MGST1: variants seen among roughly 807,000 people sequenced by gnomAD.
MGST1 encodes microsomal glutathione S-transferase 1.
In MGST1, 5 loss-of-function variants were observed where a neutral mutation model predicts 8.9. That is an observed-to-expected ratio of 0.56 (90% CI 0.29 to 1.19). MGST1 has a LOEUF of 1.19. MGST1 is among the 50% of genes most tolerant of loss of function. The pLI is 0.08. For synonymous variants in MGST1, 54 were observed against 67.8 expected, an observed-to-expected ratio of 0.80 and a Z score of 1.00; for missense variants, 182 against 187.4, an observed-to-expected ratio of 0.97 and a Z score of 0.17.
chr12:16,439,830 C>T (rs1317635539), downstream of MGST1, among the ~76,000 whole-genome samples: 3 of 151,686 alleles, frequency 2.0e-5, no homozygotes, highest in African/African-American at 7.3e-5. Context: ...TGAATCTCAC[C>T]TTTTTATATA....
At chr12:16,378,959 C>G (rs371690960), downstream of MGST1, among the ~76,000 whole-genome samples, 24 of 151,786 alleles carry the variant, frequency 1.6e-4, no homozygotes, top group African/African-American at 5.6e-4. Flanking sequence ...GTCTGTTATT[C>G]GTGTATAAGA....
chr12:16,356,099 ACT>A (rs1288584668), intron 2 of MGST1, among the ~76,000 whole-genome samples: 1 of 151,904 alleles, frequency 6.6e-6, no homozygotes, highest in African/African-American at 2.4e-5. Context: ...TGAGGACTCC[ACT>A]CTCTTCACCT....
At chr12:16,360,011 A>G (rs564409304) in intron 3 of MGST1, among the ~76,000 whole-genome samples, 1 of 152,312 alleles carries the variant, frequency 6.6e-6, no homozygotes, top group South Asian at 2.1e-4. Flanking sequence ...GTTAGAAAGA[A>G]CAATTGACCC....
chr12:16,543,305 A>G (rs1234510912), intron 4 of MGST1, among the ~76,000 whole-genome samples: 1 of 152,170 alleles, frequency 6.6e-6, no homozygotes, highest in Non-Finnish European at 1.5e-5. Flanking sequence ...TTTGAGACCA[A>G]AAGAAGGCAA....
At chr12:16,572,339 C>CTTTTTTTTTTTTTTTTTTTT (rs59773866) in intron 4 of MGST1, among the ~76,000 whole-genome samples, 3 of 89,530 alleles carry the variant, frequency 3.4e-5, no homozygotes, top group Admixed American at 3.0e-4. Context: ...GGTCCAAACT[C>CTTTTTTTTTTTTTTTTTTTT]TTTTTTTTTT....
chr12:16,506,612 C>T (rs1483632391), intron 4 of MGST1, among the ~76,000 whole-genome samples: 1 of 152,132 alleles, frequency 6.6e-6, no homozygotes, highest in African/African-American at 2.4e-5. Flanking sequence ...TGCATACTGG[C>T]CATCTGTTTT....
chr12:16,550,996 C>A, intron 4 of MGST1: 1 of 423,734 alleles, frequency 2.4e-6, no homozygotes, highest in East Asian at 3.3e-5. Context: ...GCAAAAAAAT[C>A]CAGCCATATG....
intron 4 of MGST1, among the ~76,000 whole-genome samples, chr12:16,505,235 C>G (rs945969644): frequency 1.3e-5 from 2 of 152,216 alleles, no homozygotes; most frequent in African/African-American, 4.8e-5. Flanking sequence ...GGCAGCAATA[C>G]TTTCCACAAG....
At chr12:16,533,093 ACTTT>A (rs2137202621) in intron 4 of MGST1, among the ~76,000 whole-genome samples, 1 of 152,198 alleles carries the variant, frequency 6.6e-6, no homozygotes, top group East Asian at 1.9e-4. Context: ...AGCTGACTAT[ACTTT>A]CTTAACTAGT....
chr12:16,559,824 T>C lies in MGST1; in HGVS notation n.483-29704T>C, dbSNP rs1167502929. Among the ~76,000 whole-genome samples the C allele has an allele frequency of 6.7e-6, 1 of 149,480 alleles. No homozygotes were observed. Among genetic ancestry groups the C allele is most frequent in the Non-Finnish European group, 1.5e-5 (1 of 67,586 alleles). ...AAAAAAAAAAAAAATTAGCCAGGCA[T>C]GGGAGTGCACACCTGTACTCCCAGC... On this transcript the variant is annotated intron_variant and non_coding_transcript_variant, in intron 4 of 4. Transcript: ENST00000538857. The surrounding 1 kb of genome is among the most constrained non-coding windows in gnomAD (Gnocchi z 4.1).
intron 4 of MGST1, among the ~76,000 whole-genome samples, chr12:16,457,124 C>T (rs1253825320): frequency 6.6e-6 from 1 of 151,978 alleles, no homozygotes. Context: ...TGGGTCTTCT[C>T]ATATCCAGGC....
chr12:16,487,221 G>C (rs1941404740), intron 4 of MGST1, among the ~76,000 whole-genome samples: 1 of 152,096 alleles, frequency 6.6e-6, no homozygotes, highest in African/African-American at 2.4e-5. Context: ...CACTGGGTGA[G>C]TAAACCCCAG....
intron 4 of MGST1, chr12:16,551,260 C>T: frequency 6.2e-7 from 1 of 1,613,090 alleles, no homozygotes; most frequent in Non-Finnish European, 8.5e-7. Flanking sequence ...TTCATTAAAC[C>T]TTCCTCGTAG....
At chr12:16,493,591 A>G (rs554337208) in intron 4 of MGST1, among the ~76,000 whole-genome samples, 1 of 152,184 alleles carries the variant, frequency 6.6e-6, no homozygotes, top group Non-Finnish European at 1.5e-5. Flanking sequence ...CTTTCATAAC[A>G]GTGCTAATAG....
downstream of MGST1, among the ~76,000 whole-genome samples, chr12:16,365,617 A>G (rs1485727646): frequency 6.6e-6 from 1 of 152,220 alleles, no homozygotes; most frequent in Non-Finnish European, 1.5e-5. Flanking sequence ...GCAGCTTTGC[A>G]TGCTGTGGAT....
chr12:16,432,331 AAG>A lies in MGST1; in HGVS notation n.779-5056_779-5055del, dbSNP rs530279027. On this transcript the variant is annotated intron_variant and non_coding_transcript_variant, in intron 1 of 1. Transcript: ENST00000359720. Reference sequence around the variant, plus strand: ...GTGGATTCCACCACAATCTCTTTGAAAGGAGTACCACTGAGAGTACAGTAGCT... The same window carrying A: ...GTGGATTCCACCACAATCTCTTTGAAGAGTACCACTGAGAGTACAGTAGCT... Among the ~76,000 whole-genome samples, 16 of 152,252 alleles carry A rather than the reference AAG, an allele frequency of 1.1e-4. No individual in the cohort carries two copies. In the East Asian group the frequency reaches 3.1e-3, roughly 29 times the overall value.
Position 16,482,012 on chromosome 12 carries a change from G to A in MGST1, n.482+98408G>A, listed in dbSNP as rs1941367336. On this transcript the variant is annotated intron_variant and non_coding_transcript_variant, in intron 4 of 4. Transcript: ENST00000538857. This position sits in a 1 kb window ranked among gnomAD's most constrained non-coding sequence, Gnocchi z 4.2. ...CTGGAGAGAAAAGACATTTTACACA[G>A]AAAGGAATAATAAGCAGATTGACAA... Among the ~76,000 whole-genome samples the A allele has an allele frequency of 6.6e-6, 1 of 152,048 alleles. No individual in the cohort carries two copies. Among genetic ancestry groups the A allele is most frequent in the African/African-American group, 2.4e-5 (1 of 41,412 alleles).
downstream of MGST1, among the ~76,000 whole-genome samples, chr12:16,590,217 G>T (rs1360481738): frequency 6.6e-6 from 1 of 152,032 alleles, no homozygotes; most frequent in Non-Finnish European, 1.5e-5. Flanking sequence ...ATTATGCTTA[G>T]CTCTTCTTGA....
At chr12:16,486,970 T>C (rs1251681808) in intron 4 of MGST1, among the ~76,000 whole-genome samples, 1 of 152,188 alleles carries the variant, frequency 6.6e-6, no homozygotes, top group East Asian at 1.9e-4. Context: ...GGGCCTGCCA[T>C]ATGCCATCCC....
Sources: gnomAD v4.1 joint callset for allele counts (sites outside exome capture counted in the v4.1 genomes callset) on GRCh38, gnomAD v4.1.1 for gene constraint, Gnocchi (gnomAD v3.1) non-coding constraint, MANE v1.5 for transcripts, NCBI Gene and HGNC (gene_info 2026-07-23, HGNC 2026-07-21) for gene names.